The following ZNF343 variants were observed in gnomAD, a reference collection of about 807,000 sequenced individuals.
ZNF343 encodes the protein zinc finger protein 343.
A neutral mutation model predicts 13.8 loss-of-function variants in ZNF343; 11 were observed. The observed-to-expected ratio is 0.80, with a 90% CI of 0.50 to 1.32. ZNF343 has a LOEUF of 1.32. ZNF343 is among the 40% of genes most tolerant of loss of function. The probability of loss-of-function intolerance (pLI) is 0.00; values close to 1 mark genes in which losing one functional copy is unlikely to be tolerated. For missense variants in ZNF343, 658 were observed against 714.2 expected (o/e 0.92, Z 0.90); for synonymous variants, 248 against 260.0 (o/e 0.95, Z 0.44).
rs113817447 is a variant in ZNF343 at position 2,515,780 on chromosome 20, G to C, written c.-347+8675C>G. On this transcript the variant is annotated intron_variant, in intron 1 of 6. Transcript: ENST00000358413. ...TACCCTTGACTTTGATCTTGGGCAT[G>C]AACTTCAACCTTAGACTTCGAGGTT... is the stretch of plus-strand genomic sequence containing the variant. 6.6e-3 allele frequency among the ~76,000 whole-genome samples: 1,010 copies of C among 152,302 alleles called. 14 individuals are homozygous for C. Among genetic ancestry groups the C allele is most frequent in the African/African-American group, 0.023 (961 of 41,552 alleles).
chr20:2,487,701 G>T (rs6132706), intron 5 of ZNF343, among the ~76,000 whole-genome samples: 102,841 of 152,146 alleles, frequency 0.68, 36,308 homozygotes, highest in Non-Finnish European at 0.79. Flanking sequence ...AGGATTGCCA[G>T]GTCAAAGCAT....
In ZNF343 at chr20:2,508,915, C is replaced by T. The variant is rs1317151907; in HGVS notation, c.-271G>A. On this transcript the variant is annotated 5_prime_UTR_variant, in exon 1 of 6. Coordinates refer to ENST00000278772, the MANE Select transcript of ZNF343 (RefSeq NM_024325.6). The surrounding 1 kb of genome is among the most constrained non-coding windows in gnomAD (Gnocchi z 4.5). ...CGTGCCCGGGATCTCGGCCACCGAC[C>T]GACGCCAGAACTACAATTCCCAACA... 1 of 152,326 alleles carries T rather than the reference C, an allele frequency of 6.6e-6. No individual in the cohort carries two copies. The highest frequency in any genetic ancestry group is 1.5e-5 in the Non-Finnish European group (1 of 68,118). The allele number at this position is 152,326 out of a possible 1,614,324, so 9.4% of individuals were successfully genotyped here.
intron 1 of ZNF343, among the ~76,000 whole-genome samples, chr20:2,520,203 C>T (rs1245007344): frequency 1.3e-5 from 2 of 152,114 alleles, no homozygotes; most frequent in African/African-American, 4.8e-5. Flanking sequence ...CTTTAAGATT[C>T]TATGTTTGTA....
rs2085697218 is a variant in ZNF343, at chr20:2,508,144, T to G, written c.-237+737A>C. 6.6e-6 allele frequency among the ~76,000 whole-genome samples: 1 copy of G among 152,114 alleles called. No homozygotes were observed. The highest frequency in any genetic ancestry group is 2.4e-5 in the African/African-American group (1 of 41,476). On this transcript the variant is annotated intron_variant, in intron 1 of 5. Coordinates refer to ENST00000278772, the MANE Select transcript of ZNF343 (RefSeq NM_024325.6). This position sits in a 1 kb window ranked among gnomAD's most constrained non-coding sequence, Gnocchi z 4.5. Reference sequence around the variant, plus strand: ...TTCAAAAGAGCTGCCTAGATGCCTGTCAGAGTGATACAGCCCACCACTATC... The same window carrying G: ...TTCAAAAGAGCTGCCTAGATGCCTGGCAGAGTGATACAGCCCACCACTATC...
At chr20:2,492,884 G>A (rs2085390528) in intron 4 of ZNF343, 59 bp from the exon 5 acceptor site, 2 of 1,601,216 alleles carry the variant, frequency 1.2e-6, no homozygotes, top group African/African-American at 1.3e-5. Context: ...CCTGTGTGTG[G>A]AGCACAGCTG....
upstream of ZNF343, among the ~76,000 whole-genome samples, chr20:2,510,066 G>A (rs1193653324): frequency 1.3e-5 from 2 of 152,204 alleles, no homozygotes; most frequent in Non-Finnish European, 2.9e-5. Context: ...TAGCTTAGGT[G>A]CCTAGCTCCA....
In ZNF343 at chr20:2,518,455, A is replaced by C. The variant is rs2085769097; in HGVS notation, c.-347+6000T>G. Reference sequence around the variant, plus strand: ...AATTAAGTAGAATCTAGAATTCTGAAGCCAACATAGAATCACTAACTGTTG... The same window carrying C: ...AATTAAGTAGAATCTAGAATTCTGACGCCAACATAGAATCACTAACTGTTG... On this transcript the variant is annotated intron_variant, in intron 1 of 6. Transcript: ENST00000358413. The surrounding 1 kb of genome is among the most constrained non-coding windows in gnomAD (Gnocchi z 4.6). Among the ~76,000 whole-genome samples the C allele has an allele frequency of 6.6e-6, 1 of 152,242 alleles. No homozygotes were observed. Among genetic ancestry groups the C allele is most frequent in the South Asian group, 2.1e-4 (1 of 4,834 alleles).
chr20:2,504,812 A>C (rs1426296928), intron 1 of ZNF343, among the ~76,000 whole-genome samples: 1 of 152,224 alleles, frequency 6.6e-6, no homozygotes, highest in Non-Finnish European at 1.5e-5. Flanking sequence ...CAAAATAATA[A>C]GAGCTATCAA....
At position 2,484,143 on chromosome 20, in the gene ZNF343, T is replaced by C. The variant is rs757063219; in HGVS notation, c.818A>G (p.Asp273Gly). Residue 273 changes from aspartate (D) to glycine (G), a missense_variant, in exon 6 of 6, where the codon GAT (aspartate) becomes GGT (glycine). Physicochemically the swap from Asp to Gly is moderately conservative, Grantham distance 94. Transcript: ENST00000278772. ...TCTATCTTTAAAGCTTCGCCCACAA[T>C]CACTGCAAATGTAGGGCTTCTTCCC... ...LLGKKPYICSDCGRSFKDRST... is the reference protein window; with the variant it reads ...LLGKKPYICSGCGRSFKDRST... The C allele has an allele frequency of 7.7e-5, 124 of 1,614,106 alleles. No individual in the cohort carries two copies. The highest frequency in any genetic ancestry group is 3.3e-4 in the Middle Eastern group (2 of 6,084).
At chr20:2,498,135 T>TCACCTGAGGTCAGGAGGGC (rs1353234784) in intron 2 of ZNF343, among the ~76,000 whole-genome samples, 2 of 152,094 alleles carry the variant, frequency 1.3e-5, no homozygotes, top group Admixed American at 1.3e-4. Context: ...GGCGGGTGGA[T>TCACCTGAGGTCAGGAGGGC]CACCTGAGGT....
intron 2 of ZNF343, among the ~76,000 whole-genome samples, chr20:2,500,063 T>C (rs887826870): frequency 2.0e-5 from 3 of 151,988 alleles, no homozygotes; most frequent in Admixed American, 6.6e-5. Context: ...GGTAAAATTA[T>C]GTGATGTCTG....
rs2085190101 is a variant in ZNF343 at position 2,482,947 on chromosome 20, G to T, written c.*214C>A. 1.7e-6 allele frequency: 1 copy of T among 587,488 alleles called. No individual in the cohort carries two copies. Among genetic ancestry groups the T allele is most frequent in the Non-Finnish European group, 2.9e-6 (1 of 340,462 alleles). The allele number at this position is 587,488 out of a possible 1,614,324, so 36.4% of individuals were successfully genotyped here. On this transcript the variant is annotated 3_prime_UTR_variant, in exon 6 of 6. Coordinates refer to ENST00000278772, the MANE Select transcript of ZNF343 (RefSeq NM_024325.6). The stretch of plus-strand genomic sequence containing the variant: ...TGTCCTTTTGTGCATGCTCAAGGCT[G>T]ACTGATGGCTACAGTTGCCCGTACT...
At position 2,508,852 on chromosome 20, in the gene ZNF343, G is replaced by A. The variant is rs551635344; in HGVS notation, c.-237+29C>T. On this transcript the variant is annotated intron_variant, in intron 1 of 5. Coordinates refer to ENST00000278772, the MANE Select transcript of ZNF343 (RefSeq NM_024325.6). This position sits in a 1 kb window ranked among gnomAD's most constrained non-coding sequence, Gnocchi z 4.5. ...TTCCCCACGAGAGAGGGCATCCTGG[G>A]GCCAAGGAGCCGCGGAGGCCGCGCT... is the stretch of plus-strand genomic sequence containing the variant. 1 of 152,264 alleles carries A rather than the reference G, an allele frequency of 6.6e-6. No individual in the cohort carries two copies. The highest frequency in any genetic ancestry group is 1.5e-5 in the Non-Finnish European group (1 of 68,074). The allele number at this position is 152,264 out of a possible 1,614,324, so 9.4% of individuals were successfully genotyped here.
chr20:2,523,430 T>C (rs2085790946), intron 1 of ZNF343, among the ~76,000 whole-genome samples: 1 of 152,140 alleles, frequency 6.6e-6, no homozygotes, highest in Admixed American at 6.5e-5. Context: ...CTTCACTTTA[T>C]GGACTCGCAG....
At chr20:2,485,774 G>A (rs2085272067) in intron 5 of ZNF343, among the ~76,000 whole-genome samples, 1 of 152,166 alleles carries the variant, frequency 6.6e-6, no homozygotes, top group South Asian at 2.1e-4. Flanking sequence ...GCTCTGACAA[G>A]GCACCGACCA....
At chr20:2,510,475 C>T (rs2085732143), upstream of ZNF343, among the ~76,000 whole-genome samples, 1 of 152,222 alleles carries the variant, frequency 6.6e-6, no homozygotes, top group African/African-American at 2.4e-5. Context: ...CTTCCATCTT[C>T]TTATTTCTTT....
intron 5 of ZNF343, among the ~76,000 whole-genome samples, chr20:2,490,152 T>G (rs1313813285): frequency 6.6e-6 from 1 of 152,072 alleles, no homozygotes; most frequent in African/African-American, 2.4e-5. Context: ...AAGCTTGTGG[T>G]TGCAGGCAAG....
rs1350141354 is a variant in ZNF343, at chr20:2,483,173, C to A, written c.1788G>T (p.Gln596His). The part of the protein sequence containing the change: ...FSHKSNLIRH[Q>H]RTH ...CAGGTTTCTCCCGTCAGTGTGTCCT[C>A]TGGTGTCTGATGAGATTTGACTTAT... The change falls in exon 6 of 6, where the codon CAG becomes CAT. Residue 596 changes from glutamine to histidine, a missense_variant. Physicochemically the swap from Gln to His is conservative, Grantham distance 24. Coordinates refer to ENST00000278772, the MANE Select transcript of ZNF343 (RefSeq NM_024325.6). The A allele has an allele frequency of 3.7e-6, 6 of 1,608,436 alleles. No homozygotes were observed. Among genetic ancestry groups the A allele is most frequent in the Non-Finnish European group, 5.1e-6 (6 of 1,176,910 alleles).
In ZNF343 at chr20:2,484,449, T is replaced by G; in HGVS notation, c.512A>C (p.Gln171Pro). Residue 171 changes from glutamine to proline, a missense_variant, in exon 6 of 6, where the codon CAG becomes CCG. Gln to Pro is a moderately conservative substitution (Grantham distance 76). Transcript: ENST00000278772. The part of the protein sequence containing the change: ...VSCWFENAEG[Q>P]ERGGGSKPWS... ...GGGTTTGGAGCCACCTCCTCTCTCC[T>G]GACCTTCTGCATTTTCAAACCAACA... 6.2e-7 allele frequency: 1 copy of G among 1,614,236 alleles called. No homozygotes were observed. The highest frequency in any genetic ancestry group is 1.1e-5 in the South Asian group (1 of 91,088).
Sources: allele counts gnomAD v4.1 joint callset (sites outside exome capture counted in the v4.1 genomes callset), GRCh38; gene constraint gnomAD v4.1.1; non-coding constraint Gnocchi (gnomAD v3.1); transcripts MANE v1.5; gene names NCBI Gene and HGNC (gene_info 2026-07-23, HGNC 2026-07-21).